LHFPL3: variants seen among roughly 807,000 people sequenced by gnomAD.
LHFPL3 encodes the protein LHFPL tetraspan subfamily member 3 protein.
LHFPL3 carries 5 observed loss-of-function variants against 19.3 expected under a neutral mutation model. That is an observed-to-expected ratio of 0.26 (90% CI 0.14 to 0.54). The LOEUF is 0.54. Among genes scored for constraint, LHFPL3 ranks in the 20% least tolerant of loss-of-function variants. LHFPL3 has a pLI of 0.94. For synonymous variants in LHFPL3, 133 were observed against 126.2 expected (o/e 1.05, Z -0.36); for missense variants, 249 against 307.4 (o/e 0.81, Z 1.42).
At chr7:104,645,102 A>G (rs1261619106) in intron 1 of LHFPL3, among the ~76,000 whole-genome samples, 1 of 152,186 alleles carries the variant, frequency 6.6e-6, no homozygotes, top group African/African-American at 2.4e-5. Flanking sequence ...AATTCTTCAT[A>G]TCGCTTTGCC....
At chr7:104,857,033 C>G (rs2192931) in intron 2 of LHFPL3, among the ~76,000 whole-genome samples, 32,866 of 152,120 alleles carry the variant, frequency 0.22, 3,826 homozygotes, top group South Asian at 0.39. Flanking sequence ...GTGCTGTATG[C>G]CAGGGTCTTT....
At chr7:104,824,982 ACTTAC>A (rs909605767) in intron 2 of LHFPL3, among the ~76,000 whole-genome samples, 1 of 147,428 alleles carries the variant, frequency 6.8e-6, no homozygotes, top group African/African-American at 2.5e-5. Context: ...CCAGCTTATG[ACTTAC>A]CTTCTTTGAA....
chr7:104,785,887 G>A (rs1789901839), intron 2 of LHFPL3: 1 of 152,308 alleles, frequency 6.6e-6, no homozygotes, highest in Non-Finnish European at 1.5e-5. Context: ...CACAAGCATT[G>A]ATAGGGCCTA....
intron 1 of LHFPL3, among the ~76,000 whole-genome samples, chr7:104,353,722 C>T (rs779848665): frequency 5.9e-5 from 9 of 152,140 alleles, no homozygotes; most frequent in Non-Finnish European, 8.8e-5. Context: ...GTGATATTAG[C>T]CATTTCTGTT....
At chr7:104,345,202 G>A (rs964376303) in intron 1 of LHFPL3, among the ~76,000 whole-genome samples, 1 of 152,198 alleles carries the variant, frequency 6.6e-6, no homozygotes, top group Middle Eastern at 3.4e-3. Flanking sequence ...GCATAAAGCT[G>A]CTCCTAATAT....
At chr7:104,785,570 G>C (rs1011147793) in intron 2 of LHFPL3, among the ~76,000 whole-genome samples, 2 of 152,104 alleles carry the variant, frequency 1.3e-5, no homozygotes, top group East Asian at 1.9e-4. Flanking sequence ...GAATAAAAAG[G>C]CTTCTCCTCT....
At chr7:104,631,317 A>G (rs185244607) in intron 1 of LHFPL3, among the ~76,000 whole-genome samples, 2 of 151,940 alleles carry the variant, frequency 1.3e-5, no homozygotes, top group African/African-American at 4.8e-5. Flanking sequence ...AACCATATTC[A>G]CTATGCTTTT....
At chr7:104,671,723 T>C (rs896861918) in intron 1 of LHFPL3, among the ~76,000 whole-genome samples, 14 of 152,210 alleles carry the variant, frequency 9.2e-5, no homozygotes, top group Non-Finnish European at 1.8e-4. Context: ...TTTTCTCATC[T>C]GTAAAAAAAT....
chr7:104,808,521 C>G (rs545979588), intron 2 of LHFPL3, among the ~76,000 whole-genome samples: 2 of 152,222 alleles, frequency 1.3e-5, no homozygotes, highest in South Asian at 4.1e-4. Context: ...GGCTTACTGA[C>G]TCCAAAAGCA....
chr7:104,557,065 G>A (rs1350986309), intron 1 of LHFPL3, among the ~76,000 whole-genome samples: 1 of 152,170 alleles, frequency 6.6e-6, no homozygotes, highest in Non-Finnish European at 1.5e-5. Context: ...TTTGGTCAAA[G>A]CCCTTCAACA....
At chr7:104,832,998 T>TATATAATAG (rs1790987535) in intron 2 of LHFPL3, among the ~76,000 whole-genome samples, 1 of 109,738 alleles carries the variant, frequency 9.1e-6, no homozygotes, top group Non-Finnish European at 1.7e-5. Flanking sequence ...AGGACATATA[T>TATATAATAG]ATTATATATA....
Position 104,810,740 on chromosome 7 carries a change from G to T in LHFPL3, c.682+73829G>T, listed in dbSNP as rs78450364. On this transcript the variant is annotated intron_variant, in intron 2 of 2. Transcript: ENST00000424859. ...GCAGACCAGACACATGACAATTCTAGTTTTGGAATATATTGAAGCTGGAGG... is the reference window on the plus strand; with the variant it reads ...GCAGACCAGACACATGACAATTCTATTTTTGGAATATATTGAAGCTGGAGG... 2.1e-3 allele frequency among the ~76,000 whole-genome samples: 316 copies of T among 152,320 alleles called. 2 individuals carry two copies. Among genetic ancestry groups the T allele is most frequent in the African/African-American group, 7.3e-3 (304 of 41,566 alleles).
chr7:104,814,679 A>G (rs1213969475), intron 2 of LHFPL3, among the ~76,000 whole-genome samples: 1 of 152,170 alleles, frequency 6.6e-6, no homozygotes, highest in Non-Finnish European at 1.5e-5. Context: ...CCTATAGGTC[A>G]GCACCAAGCT....
intron 2 of LHFPL3, among the ~76,000 whole-genome samples, chr7:104,809,255 TG>T (rs748532216): frequency 6.6e-6 from 1 of 152,244 alleles, no homozygotes; most frequent in Non-Finnish European, 1.5e-5. Context: ...TATTTTAGCC[TG>T]GAGCTATTCA....
rs531223695 is a variant in LHFPL3 at position 104,668,711 on chromosome 7, T to C, written c.446-67964T>C. The C allele has an allele frequency of 2.2e-5, 35 of 1,591,212 alleles. No individual in the cohort carries two copies. In the Admixed American group the frequency reaches 3.8e-4, roughly 17 times the overall value. On this transcript the variant is annotated intron_variant, in intron 1 of 2. Coordinates refer to ENST00000424859, the MANE Select transcript of LHFPL3 (RefSeq NM_199000.3). ...CTCGGGATGATTATAGGCGTGATGA[T>C]AGAGGTCCCCCCCCCCCCAAAGACC...
intron 1 of LHFPL3, among the ~76,000 whole-genome samples, chr7:104,344,375 T>C (rs373065176): frequency 7.7e-4 from 117 of 152,294 alleles, no homozygotes; most frequent in African/African-American, 2.7e-3. Context: ...GTTGTATACA[T>C]TGTGCTCAAT....
chr7:104,512,395 C>T (rs555367027), intron 1 of LHFPL3, among the ~76,000 whole-genome samples: 1 of 152,058 alleles, frequency 6.6e-6, no homozygotes, highest in African/African-American at 2.4e-5. Flanking sequence ...TAAACTCATG[C>T]GCTGCCTTCA....
intron 1 of LHFPL3, among the ~76,000 whole-genome samples, chr7:104,727,403 C>T (rs942292193): frequency 1.3e-5 from 2 of 152,102 alleles, no homozygotes; most frequent in African/African-American, 4.8e-5. Flanking sequence ...TTTGCCCATG[C>T]CTATGTCCTG....
At chr7:104,386,768 A>C (rs1268892519) in intron 1 of LHFPL3, among the ~76,000 whole-genome samples, 1 of 152,244 alleles carries the variant, frequency 6.6e-6, no homozygotes, top group Non-Finnish European at 1.5e-5. Flanking sequence ...CTGACCTTCA[A>C]AGAGATTTCC....
Sources: allele counts gnomAD v4.1 joint callset (sites outside exome capture counted in the v4.1 genomes callset), GRCh38; gene constraint gnomAD v4.1.1; transcripts MANE v1.5; gene names NCBI Gene and HGNC (gene_info 2026-07-23, HGNC 2026-07-21).